The following DLX6 variants were observed in gnomAD, a reference collection of about 807,000 sequenced individuals.
The protein encoded by DLX6 is distal-less homeobox 6, also known as homeobox protein DLX-6.
DLX6 carries 4 observed loss-of-function variants against 33.5 expected under a neutral mutation model. That is an observed-to-expected ratio of 0.12 (90% CI 0.06 to 0.27). The LOEUF is 0.27. Ranked by LOEUF, DLX6 falls within the 10% of genes least tolerant of loss-of-function variation. The pLI, the probability that DLX6 is intolerant of heterozygous loss-of-function variation, is 1.00. For missense variants in DLX6, 382 were observed against 393.3 expected, an observed-to-expected ratio of 0.97 and a Z score of 0.24; for synonymous variants, 184 against 164.8, an observed-to-expected ratio of 1.12 and a Z score of -0.89.
At chr7:97,008,811 C>T (rs1027070949) in intron 2 of DLX6, among the ~76,000 whole-genome samples, 1 of 152,108 alleles carries the variant, frequency 6.6e-6, no homozygotes, top group Non-Finnish European at 1.5e-5. Context: ...TTCAATTTAG[C>T]CTGTTTTCTC....
At position 97,006,253 on chromosome 7, in the gene DLX6, G is replaced by C. The variant is rs1789727164; in HGVS notation, c.276G>C (p.Gln92His). The C allele has an allele frequency of 2.6e-6, 4 of 1,524,722 alleles. No individual in the cohort carries two copies. In the South Asian group the frequency reaches 3.7e-5, roughly 14 times the overall value. 94.4% of individuals were successfully genotyped at this position (1,524,722 alleles called of 1,614,324 possible). A position where few individuals can be genotyped will look rare whatever the true frequency, so the allele number is the denominator to read the frequency against. Residue 92 changes from glutamine to histidine, a missense_variant, in exon 1 of 3, where the codon CAG (glutamine) becomes CAC (histidine). By Grantham distance (24) the Gln-to-His change is conservative. Transcript: ENST00000518156. ...AAGSHHHHHH[Q>H]HHHHGSPYAS... is the part of the protein sequence containing the mutation. The stretch of plus-strand genomic sequence containing the variant: ...GCTCGCACCACCACCACCACCACCA[G>C]CACCACCACCACGGCTCGCCCTACG...
rs748077147 is a variant in DLX6 at position 97,007,622 on chromosome 7, TA to T, written c.437-15del. ...AGCCTCCCGGGTGACCGCTCCTCTG[TA>T]TTATTTGCTTACAGATCAACAAAAA... On this transcript the variant is annotated splice_polypyrimidine_tract_variant and intron_variant, in intron 1 of 2. Coordinates refer to ENST00000518156, the MANE Select transcript of DLX6 (RefSeq NM_005222.4). The T allele has an allele frequency of 1.1e-5, 17 of 1,599,480 alleles. No individual in the cohort carries two copies. The highest frequency in any genetic ancestry group is 3.3e-4 in the Middle Eastern group (2 of 6,040).
chr7:97,007,955 C>A (rs1584156531), intron 2 of DLX6, 124 bp downstream of exon 2: 1 of 981,036 alleles, frequency 1.0e-6, no homozygotes, highest in Non-Finnish European at 1.5e-6. Flanking sequence ...ATGACAAATG[C>A]CTTTTGCTCC....
intron 1 of DLX6, chr7:97,007,312 C>T (rs995454885): frequency 3.4e-6 from 2 of 584,482 alleles, no homozygotes; most frequent in South Asian, 2.2e-5. Context: ...TCCGCCCGGA[C>T]AGCTGCCGCC....
At position 97,006,321 on chromosome 7, in the gene DLX6, C is replaced by G; in HGVS notation, c.344C>G (p.Ala115Gly). ...TCCTACAACCACCGCTCGCTCGCCG[C>G]CTACCCCTACATGAGCCACTCGCAG... ...GNSYNHRSLA[A>G]YPYMSHSQHS... Residue 115 changes from alanine to glycine, a missense_variant, in exon 1 of 3, where the codon GCC becomes GGC. Coordinates refer to ENST00000518156, the MANE Select transcript of DLX6 (RefSeq NM_005222.4). 6.6e-7 allele frequency: 1 copy of G among 1,524,982 alleles called. No homozygotes were observed. The highest frequency in any genetic ancestry group is 8.8e-7 in the Non-Finnish European group (1 of 1,133,704). 94.5% of individuals were successfully genotyped at this position (1,524,982 alleles called of 1,614,324 possible).
rs1789769591 is a variant in DLX6, at chr7:97,007,742, G to A, written c.541G>A (p.Ala181Thr). ...RTIYSSLQLQ[A>T]LNHRFQQTQY... ...CATTTATTCCAGCCTGCAGCTCCAG[G>A]CTTTAAACCATCGCTTTCAGCAGAC... The change falls in exon 2 of 3, where the codon GCT becomes ACT. Residue 181 changes from alanine (A) to threonine (T), a missense_variant. By Grantham distance (58) the Ala-to-Thr change is moderately conservative (BLOSUM62 0). Coordinates refer to ENST00000518156, the MANE Select transcript of DLX6 (RefSeq NM_005222.4). The A allele has an allele frequency of 6.2e-7, 1 of 1,612,460 alleles. No homozygotes were observed. Among genetic ancestry groups the A allele is most frequent in the South Asian group, 1.1e-5 (1 of 90,546 alleles).
chr7:97,008,892 C>T (rs1275893488), intron 2 of DLX6, among the ~76,000 whole-genome samples: 8 of 152,124 alleles, frequency 5.3e-5, no homozygotes, highest in Non-Finnish European at 1.0e-4. Context: ...GACTTGTATG[C>T]GTCTTGAAAA....
In DLX6 at chr7:97,010,986, ACTTT is replaced by A. The variant is rs1789835605; in HGVS notation, c.*940_*943del. 6.6e-6 allele frequency: 1 copy of A among 152,394 alleles called. No homozygotes were observed. The highest frequency in any genetic ancestry group is 1.5e-5 in the Non-Finnish European group (1 of 67,992). 9.4% of individuals were successfully genotyped at this position (152,394 alleles called of 1,614,324 possible). ...ATTGTTGAATTTTAGTTGTACATATACTTTGTATGTTTTTGTCTTCTTTCATATA... is the reference window on the plus strand; with the variant it reads ...ATTGTTGAATTTTAGTTGTACATATAGTATGTTTTTGTCTTCTTTCATATA... On this transcript the variant is annotated 3_prime_UTR_variant, in exon 3 of 3. Coordinates refer to ENST00000518156, the MANE Select transcript of DLX6 (RefSeq NM_005222.4).
chr7:97,006,235 C>A lies in DLX6; in HGVS notation c.258C>A (p.His86Gln). The A allele has an allele frequency of 6.9e-7, 1 of 1,453,608 alleles. No individual in the cohort carries two copies. Among genetic ancestry groups the A allele is most frequent in the African/African-American group, 1.4e-5 (1 of 69,284 alleles). 90.0% of individuals were successfully genotyped at this position (1,453,608 alleles called of 1,614,324 possible). The change falls in exon 1 of 3, where the codon CAC becomes CAA. Residue 86 changes from histidine (H) to glutamine (Q), a missense_variant. His to Gln is a conservative substitution (Grantham distance 24). Coordinates refer to ENST00000518156, the MANE Select transcript of DLX6 (RefSeq NM_005222.4). Reference sequence around the variant, plus strand: ...CGGCGGCGGCAGCGGCCGGCTCGCACCACCACCACCACCACCAGCACCACC... The same window carrying A: ...CGGCGGCGGCAGCGGCCGGCTCGCAACACCACCACCACCACCAGCACCACC... The part of the protein sequence containing the change: ...SAAAAAAAGS[H>Q]HHHHHQHHHH...
chr7:97,007,857 C>T (rs1338494669), intron 2 of DLX6, 26 bp downstream of exon 2: 2 of 1,549,766 alleles, frequency 1.3e-6, no homozygotes, highest in East Asian at 2.3e-5. Context: ...CCCAAGTATC[C>T]CTGAAATGCT....
Position 97,007,707 on chromosome 7 carries a change from A to G in DLX6, c.506A>G (p.Lys169Arg). 6.2e-7 allele frequency: 1 copy of G among 1,612,784 alleles called. No homozygotes were observed. The highest frequency in any genetic ancestry group is 1.1e-5 in the South Asian group (1 of 90,626). The change falls in exon 2 of 3, where the codon AAG becomes AGG. Residue 169 changes from lysine to arginine, a missense_variant. This residue lies in a region of DLX6 where 25 missense variants were observed against 51.9 expected (regional missense o/e 0.48). Coordinates refer to ENST00000518156, the MANE Select transcript of DLX6 (RefSeq NM_005222.4). The stretch of plus-strand genomic sequence containing the variant: ...AATGGAAAAGGGAAAAAGATTCGGA[A>G]GCCTCGGACCATTTATTCCAGCCTG... ...RFNGKGKKIR[K>R]PRTIYSSLQL...
chr7:97,010,090 A>G lies in DLX6; in HGVS notation c.*43A>G, dbSNP rs1197584793. ...CCTAGGGAAACGTCTGAACAAGGAAAAGAGGATCCGGGACCTGCTTGTATC... is the reference window on the plus strand; with the variant it reads ...CCTAGGGAAACGTCTGAACAAGGAAGAGAGGATCCGGGACCTGCTTGTATC... On this transcript the variant is annotated 3_prime_UTR_variant, in exon 3 of 3. Transcript: ENST00000518156. The G allele has an allele frequency of 6.4e-7, 1 of 1,552,504 alleles. No homozygotes were observed. Among genetic ancestry groups the G allele is most frequent in the Admixed American group, 1.9e-5 (1 of 51,362 alleles).
intron 2 of DLX6, among the ~76,000 whole-genome samples, chr7:97,009,446 G>A (rs773788665): frequency 6.6e-6 from 1 of 152,180 alleles, no homozygotes; most frequent in Non-Finnish European, 1.5e-5. Context: ...TCAATTGAAT[G>A]GCTTTGATTT....
At chr7:97,007,497 A>G (rs1259607137) in intron 1 of DLX6, 141 bp from the exon 2 acceptor site, 3 of 775,270 alleles carry the variant, frequency 3.9e-6, no homozygotes, top group African/African-American at 1.7e-5. Context: ...GAGTGGACCA[A>G]GAGAGGTCGG....
Position 97,006,176 on chromosome 7 carries a change from G to A in DLX6, c.199G>A (p.Ala67Thr). 1.3e-6 allele frequency: 2 copies of A among 1,541,792 alleles called. No individual in the cohort carries two copies. The highest frequency in any genetic ancestry group is 2.4e-5 in the South Asian group (2 of 83,752). The change falls in exon 1 of 3, where the codon GCG becomes ACG. Residue 67 changes from alanine to threonine, a missense_variant. By Grantham distance (58) the Ala-to-Thr change is moderately conservative. Coordinates refer to ENST00000518156, the MANE Select transcript of DLX6 (RefSeq NM_005222.4). ...GCAGAGCTCCCCGGCCATGGCAGGC[G>A]CGCACTACCCTCTGCACTGCCTGCA... ...SQQSSPAMAGAHYPLHCLHSA... is the reference protein window; with the variant it reads ...SQQSSPAMAGTHYPLHCLHSA...
Position 97,010,105 on chromosome 7 carries a change from C to G in DLX6, c.*58C>G, listed in dbSNP as rs954384692. The G allele has an allele frequency of 1.3e-6, 2 of 1,534,688 alleles. No individual in the cohort carries two copies. Among genetic ancestry groups the G allele is most frequent in the South Asian group, 2.4e-5 (2 of 81,892 alleles). On this transcript the variant is annotated 3_prime_UTR_variant, in exon 3 of 3. Transcript: ENST00000518156. ...GAACAAGGAAAAGAGGATCCGGGAC[C>G]TGCTTGTATCTGCGAAAAGGAGCCA...
At position 97,006,132 on chromosome 7, in the gene DLX6, C is replaced by CGCCGCA. The variant is rs755406705; in HGVS notation, c.162_167dup (p.Gln54_Pro55dup). 126 of 1,538,770 alleles carry CGCCGCA rather than the reference C, an allele frequency of 8.2e-5. No individual in the cohort carries two copies. Among genetic ancestry groups the CGCCGCA allele is most frequent in the African/African-American group, 1.9e-4 (14 of 72,558 alleles). On this transcript the variant is annotated inframe_insertion, in exon 1 of 3. Coordinates refer to ENST00000518156, the MANE Select transcript of DLX6 (RefSeq NM_005222.4). Reference sequence around the variant, plus strand: ...CAGCCGCCGCCGCCGCCGCCGCCGCCGCCGCAGCCGCACTCGCAGCAGAGC... The same window carrying CGCCGCA: ...CAGCCGCCGCCGCCGCCGCCGCCGCCGCCGCAGCCGCAGCCGCACTCGCAGCAGAGC...
At position 97,006,024 on chromosome 7, in the gene DLX6, C is replaced by T. The variant is rs751331650; in HGVS notation, c.47C>T (p.Ser16Leu). 9 of 1,596,296 alleles carry T rather than the reference C, an allele frequency of 5.6e-6. No individual in the cohort carries two copies. Among genetic ancestry groups the T allele is most frequent in the Non-Finnish European group, 7.7e-6 (9 of 1,172,136 alleles). The change falls in exon 1 of 3, where the codon TCG (serine) becomes TTG (leucine). Residue 16 changes from serine to leucine, a missense_variant. This residue lies in a region of DLX6 where 257 missense variants were observed against 206.9 expected (regional missense o/e 1.24). Transcript: ENST00000518156. ...TMADGLEGQD[S>L]SKSAFMEFGQ... ...GCTGACGGCTTGGAAGGCCAGGACT[C>T]GTCCAAATCCGCCTTCATGGAGTTC...
At chr7:97,009,311 C>T (rs184379286) in intron 2 of DLX6, among the ~76,000 whole-genome samples, 2 of 152,206 alleles carry the variant, frequency 1.3e-5, no homozygotes, top group South Asian at 2.1e-4. Context: ...ATAGAGATAA[C>T]AGCTTTTGGG....
Sources: gnomAD v4.1 joint callset for allele counts (sites outside exome capture counted in the v4.1 genomes callset) on GRCh38, gnomAD v4.1.1 for gene constraint, gnomAD v4.1.1 regional missense constraint, MANE v1.5 for transcripts, NCBI Gene and HGNC (gene_info 2026-07-23, HGNC 2026-07-21) for gene names.